CYB561A3: variants seen among roughly 807,000 people sequenced by gnomAD.
The protein encoded by CYB561A3 is cytochrome b561 family member A3.
In CYB561A3, 16 loss-of-function variants were observed where a neutral mutation model predicts 25.3. The observed-to-expected ratio is 0.63, with a 90% CI of 0.43 to 0.96. CYB561A3 has a LOEUF of 0.96. Ranked by LOEUF, CYB561A3 falls within the 40% of genes least tolerant of loss-of-function variation. The probability of loss-of-function intolerance (pLI) is 0.00; values close to 1 mark genes in which losing one functional copy is unlikely to be tolerated. For synonymous variants in CYB561A3, 131 were observed against 129.9 expected, an observed-to-expected ratio of 1.01 and a Z score of -0.06; for missense variants, 219 against 307.5, an observed-to-expected ratio of 0.71 and a Z score of 2.15.
intron 4 of CYB561A3, chr11:61,353,541 G>T: frequency 2.9e-6 from 2 of 693,486 alleles, no homozygotes; most frequent in East Asian, 2.8e-5. Flanking sequence ...TGCGTGCCAT[G>T]ACAAAGTTAG....
intron 4 of CYB561A3, 109 bp downstream of exon 4, chr11:61,353,675 G>A: frequency 8.5e-7 from 1 of 1,174,518 alleles, no homozygotes; most frequent in South Asian, 1.3e-5. Flanking sequence ...CAATCTGCAA[G>A]TCCCTCTCCA....
rs548393372 is a variant in CYB561A3, at chr11:61,349,596, G to A, written c.*803C>T. Reference sequence around the variant, plus strand: ...AGGGCTGCCTGCCGGTGACAGACACGTAAGTCACAGGGAAAGGCCGGGATC... The same window carrying A: ...AGGGCTGCCTGCCGGTGACAGACACATAAGTCACAGGGAAAGGCCGGGATC... On this transcript the variant is annotated 3_prime_UTR_variant, in exon 7 of 7. Coordinates refer to ENST00000294072, the MANE Select transcript of CYB561A3 (RefSeq NM_153611.6). The A allele has an allele frequency of 2.0e-5, 14 of 702,886 alleles. No individual in the cohort carries two copies. The highest frequency in any genetic ancestry group is 2.7e-5 in the East Asian group (1 of 37,304). 43.5% of individuals were successfully genotyped at this position (702,886 alleles called of 1,614,324 possible). A position where few individuals can be genotyped will look rare whatever the true frequency, so the allele number is the denominator to read the frequency against.
chr11:61,356,790 G>A (rs1857670294), intron 2 of CYB561A3, 62 bp from the exon 3 acceptor site: 2 of 1,578,188 alleles, frequency 1.3e-6, no homozygotes, highest in Admixed American at 3.6e-5. Flanking sequence ...TCTGGCTAAA[G>A]GAGGTAACAC....
intron 5 of CYB561A3, chr11:61,351,391 G>A (rs1172776735): frequency 2.7e-5 from 8 of 293,480 alleles, no homozygotes; most frequent in East Asian, 2.2e-4. Context: ...CTGGGTTCAC[G>A]CCATTCTCCT....
intron 2 of CYB561A3, 99 bp from the exon 3 acceptor site, chr11:61,356,827 G>T: frequency 1.1e-5 from 16 of 1,502,616 alleles, no homozygotes; most frequent in Non-Finnish European, 1.4e-5. Flanking sequence ...CTGTGGGATG[G>T]AATCTTTTTG....
Position 61,350,411 on chromosome 11 carries a change from A to C in CYB561A3, c.717T>G (p.His239Gln). Residue 239 changes from histidine to glutamine, a missense_variant, in exon 7 of 7, where the codon CAT becomes CAG. By Grantham distance (24) the His-to-Gln change is conservative. Transcript: ENST00000294072. ...GILTDRQPLLHDGE is the reference protein window; with the variant it reads ...GILTDRQPLLQDGE ...CCTTCCTGCTGCTTCACTCCCCATC[A>C]TGCAGCAGGGGCTGGAAAGAGAGGC... The C allele has an allele frequency of 5.6e-6, 9 of 1,611,430 alleles. No individual in the cohort carries two copies. The highest frequency in any genetic ancestry group is 7.6e-6 in the Non-Finnish European group (9 of 1,179,186).
Position 61,349,344 on chromosome 11 carries a change from C to A in CYB561A3, c.*1055G>T. The A allele has an allele frequency of 1.8e-6, 1 of 559,570 alleles. No individual in the cohort carries two copies. Among genetic ancestry groups the A allele is most frequent in the African/African-American group, 1.9e-5 (1 of 53,056 alleles). The allele number at this position is 559,570 out of a possible 1,614,324, so 34.7% of individuals were successfully genotyped here. ...GGCAGTGGCTCCCAGGGCTGCTGCA[C>A]ACTGGACACCACAACTTTGGCATCA... On this transcript the variant is annotated 3_prime_UTR_variant, in exon 7 of 7. Transcript: ENST00000294072.
chr11:61,349,517 T>C lies in CYB561A3; in HGVS notation c.*882A>G. 1 of 702,708 alleles carries C rather than the reference T, an allele frequency of 1.4e-6. No individual in the cohort carries two copies. Among genetic ancestry groups the C allele is most frequent in the Admixed American group, 2.0e-5 (1 of 50,008 alleles). 43.5% of individuals were successfully genotyped at this position (702,708 alleles called of 1,614,324 possible). A position where few individuals can be genotyped will look rare whatever the true frequency, so the allele number is the denominator to read the frequency against. On this transcript the variant is annotated 3_prime_UTR_variant, in exon 7 of 7. Coordinates refer to ENST00000294072, the MANE Select transcript of CYB561A3 (RefSeq NM_153611.6). ...AGCCACCTCTGTTACTCATCGCTAC[T>C]GGGACATCTGGGGACAGGCTCTGTT...
Position 61,349,941 on chromosome 11 carries a change from A to G in CYB561A3, c.*458T>C, listed in dbSNP as rs928568380. On this transcript the variant is annotated 3_prime_UTR_variant, in exon 7 of 7. Coordinates refer to ENST00000294072, the MANE Select transcript of CYB561A3 (RefSeq NM_153611.6). ...ACACCGTGGACTGCACTTGAGTCCC[A>G]GCTCTTCACCACATCCCTAGGAGTC... The G allele has an allele frequency of 1.4e-5, 7 of 488,058 alleles. No homozygotes were observed. Among genetic ancestry groups the G allele is most frequent in the South Asian group, 1.3e-4 (6 of 45,782 alleles). 30.2% of individuals were successfully genotyped at this position (488,058 alleles called of 1,614,324 possible). A position where few individuals can be genotyped will look rare whatever the true frequency, so the allele number is the denominator to read the frequency against.
At chr11:61,362,093 C>A (rs930416030), upstream of CYB561A3, 1 of 152,418 alleles carries the variant, frequency 6.6e-6, no homozygotes, top group African/African-American at 2.4e-5. Context: ...CCCCGCCTCT[C>A]ATCCCCCATC....
In CYB561A3 at chr11:61,352,710, C is replaced by A. The variant is rs889391868; in HGVS notation, c.548+275G>T. On this transcript the variant is annotated intron_variant, in intron 5 of 6. Coordinates refer to ENST00000294072, the MANE Select transcript of CYB561A3 (RefSeq NM_153611.6). ...CAATGACAACAATACCAATCAATACCAATGATGTAGGGTGGTTGACAGGAT... is the reference window on the plus strand; with the variant it reads ...CAATGACAACAATACCAATCAATACAAATGATGTAGGGTGGTTGACAGGAT... The A allele has an allele frequency of 2.3e-5, 21 of 919,516 alleles. No homozygotes were observed. In the East Asian group the frequency reaches 7.9e-4, roughly 35 times the overall value. The allele number at this position is 919,516 out of a possible 1,614,324, so 57.0% of individuals were successfully genotyped here. A position where few individuals can be genotyped will look rare whatever the true frequency, so the allele number is the denominator to read the frequency against.
intron 3 of CYB561A3, among the ~76,000 whole-genome samples, chr11:61,355,775 T>C (rs981583606): frequency 1.3e-5 from 2 of 151,518 alleles, no homozygotes; most frequent in African/African-American, 4.9e-5. Flanking sequence ...TTCAATCTCC[T>C]GTTCTCTAGA....
chr11:61,360,166 CAGG>C (rs1857795503), intron 1 of CYB561A3: 3 of 152,034 alleles, frequency 2.0e-5, no homozygotes, highest in Admixed American at 1.3e-4. Context: ...GGCTTGAGCC[CAGG>C]AGAAGGCTGA....
At chr11:61,357,920 T>C (rs1283238259) in intron 1 of CYB561A3, 92 bp from the exon 2 acceptor site, 2 of 152,232 alleles carry the variant, frequency 1.3e-5, no homozygotes, top group African/African-American at 4.8e-5. Flanking sequence ...AAGATCCCAT[T>C]TACTCCTCTT....
At chr11:61,356,242 G>A (rs1002791028) in intron 3 of CYB561A3, among the ~76,000 whole-genome samples, 5 of 152,218 alleles carry the variant, frequency 3.3e-5, no homozygotes, top group Non-Finnish European at 7.3e-5. Context: ...TGGCAGAGCT[G>A]AGTAACTGCA....
Position 61,357,075 on chromosome 11 carries a change from C to T in CYB561A3, c.-15-347G>A, listed in dbSNP as rs1189329902. 9 of 1,416,620 alleles carry T rather than the reference C, an allele frequency of 6.4e-6. No individual in the cohort carries two copies. In the Middle Eastern group the frequency reaches 8.7e-4, roughly 137 times the overall value. 87.8% of individuals were successfully genotyped at this position (1,416,620 alleles called of 1,614,324 possible). ...GACCAGAAGGTAAAGAATTACCACC[C>T]CATACCCCCCAGGAAAAAAGGGACA... On this transcript the variant is annotated intron_variant, in intron 2 of 6. Coordinates refer to ENST00000294072, the MANE Select transcript of CYB561A3 (RefSeq NM_153611.6).
At chr11:61,361,255 T>TC (rs900059789) in intron 1 of CYB561A3, 2 of 152,152 alleles carry the variant, frequency 1.3e-5, no homozygotes, top group East Asian at 3.9e-4. Context: ...GGAATTCGGG[T>TC]CCACTCCCTC....
intron 2 of CYB561A3, 153 bp from the exon 3 acceptor site, chr11:61,356,881 G>A (rs1324983081): frequency 1.4e-6 from 2 of 1,448,750 alleles, no homozygotes; most frequent in Non-Finnish European, 1.8e-6. Context: ...CCCCGCCCGA[G>A]GCCTCAATGC....
intron 3 of CYB561A3, among the ~76,000 whole-genome samples, chr11:61,355,610 G>T (rs997338941): frequency 4.6e-5 from 7 of 151,810 alleles, no homozygotes; most frequent in Non-Finnish European, 5.9e-5. Flanking sequence ...GAACCCAGGA[G>T]GCGGAGGTTG....
Sources: allele counts gnomAD v4.1 joint callset (sites outside exome capture counted in the v4.1 genomes callset), GRCh38; gene constraint gnomAD v4.1.1; transcripts MANE v1.5; gene names NCBI Gene and HGNC (gene_info 2026-07-23, HGNC 2026-07-21).